The following CSMD2 variants were observed in gnomAD, a reference collection of about 807,000 sequenced individuals.
The protein encoded by CSMD2 is CUB and sushi domain-containing protein 2.
CSMD2 carries 130 observed loss-of-function variants against 398.5 expected under a neutral mutation model. That is an observed-to-expected ratio of 0.33 (90% confidence interval 0.28 to 0.38). The LOEUF (loss-of-function observed/expected upper bound fraction) is 0.38, where lower values mean the gene tolerates loss of function less well. Ranked by LOEUF, CSMD2 falls within the 10% of genes least tolerant of loss-of-function variation. The pLI, the probability that CSMD2 is intolerant of heterozygous loss-of-function variation, is 1.00. For synonymous variants in CSMD2, 1,828 were observed against 1,908.5 expected (o/e 0.96, Z 1.10); for missense variants, 3,829 against 4,764.9 (o/e 0.80, Z 5.78).
At chr1:33,884,130 T>G (rs1434774650) in intron 5 of CSMD2, among the ~76,000 whole-genome samples, 1 of 152,088 alleles carries the variant, frequency 6.6e-6, no homozygotes, top group African/African-American at 2.4e-5. Context: ...TGGATGAGTC[T>G]AGGCTCCCAG....
intron 22 of CSMD2, among the ~76,000 whole-genome samples, chr1:33,705,934 TAAA>T (rs113435498): frequency 6.9e-6 from 1 of 145,192 alleles, no homozygotes; most frequent in Admixed American, 6.9e-5. Flanking sequence ...CTTTATTATT[TAAA>T]AAAAAAAAAA....
At chr1:33,767,488 C>T (rs1484540157) in intron 13 of CSMD2, among the ~76,000 whole-genome samples, 1 of 152,136 alleles carries the variant, frequency 6.6e-6, no homozygotes, top group Non-Finnish European at 1.5e-5. Context: ...GGCATGACAC[C>T]ATGAGATTGT....
chr1:34,156,381 C>T (rs757653264), intron 1 of CSMD2, among the ~76,000 whole-genome samples: 6 of 152,192 alleles, frequency 3.9e-5, no homozygotes, highest in Non-Finnish European at 7.3e-5. Flanking sequence ...ACCACACTTG[C>T]TCATCTCAGA....
chr1:33,883,681 C>A (rs751327710), intron 5 of CSMD2, among the ~76,000 whole-genome samples: 2 of 152,188 alleles, frequency 1.3e-5, no homozygotes, highest in South Asian at 2.1e-4. Context: ...CATATGGGAA[C>A]TCTCCAAGCC....
Position 33,600,905 on chromosome 1 carries a change from A to C in CSMD2, c.6816T>G (p.Arg2272=). 1 of 1,614,114 alleles carries C rather than the reference A, an allele frequency of 6.2e-7. No homozygotes were observed. The highest frequency in any genetic ancestry group is 1.1e-5 in the South Asian group (1 of 91,064). ...SSNQVLLKFH[R]DAATGGIFAI... Reference sequence around the variant, plus strand: ...CGAAGATCCCCCCTGTGGCTGCATCACGGTGGAACTTGAGCAGGACCTGGT... The same window carrying C: ...CGAAGATCCCCCCTGTGGCTGCATCCCGGTGGAACTTGAGCAGGACCTGGT... Residue 2272 remains arginine (R), a synonymous_variant, in exon 44 of 71, where the codon CGT becomes CGG. Transcript: ENST00000373381.
chr1:34,014,586 C>A (rs2148081189), intron 3 of CSMD2, among the ~76,000 whole-genome samples: 1 of 152,326 alleles, frequency 6.6e-6, no homozygotes, highest in Admixed American at 6.5e-5. Flanking sequence ...TTTCCTGGAG[C>A]CTAGGCAAGC....
At position 33,811,581 on chromosome 1, in the gene CSMD2, G is replaced by C. The variant is rs147051875; in HGVS notation, c.1325-717C>G. Among the ~76,000 whole-genome samples the C allele has an allele frequency of 2.2e-4, 33 of 152,270 alleles. No homozygotes were observed. In the East Asian group the frequency reaches 6.4e-3, roughly 29 times the overall value. Reference sequence around the variant, plus strand: ...CAGCTTATCCCTGAAACTGGCTTTTGACTGGAAGCATAAAGATTCAAGGTG... The same window carrying C: ...CAGCTTATCCCTGAAACTGGCTTTTCACTGGAAGCATAAAGATTCAAGGTG... On this transcript the variant is annotated intron_variant, in intron 9 of 70. Coordinates refer to ENST00000373381, the MANE Select transcript of CSMD2 (RefSeq NM_001281956.2).
intron 1 of CSMD2, among the ~76,000 whole-genome samples, chr1:34,113,824 A>T (rs1008924935): frequency 6.6e-6 from 1 of 152,244 alleles, no homozygotes; most frequent in African/African-American, 2.4e-5. Context: ...AAATTGTTTC[A>T]TGTCAACCAT....
chr1:34,144,621 T>C (rs771145), intron 1 of CSMD2, among the ~76,000 whole-genome samples: 123,080 of 152,168 alleles, frequency 0.81, 50,524 homozygotes, highest in Admixed American at 0.87. Context: ...TCCAAAGCCA[T>C]GTCTTCCAAT....
chr1:33,630,316 G>T (rs1333870136), intron 32 of CSMD2, among the ~76,000 whole-genome samples: 1 of 152,222 alleles, frequency 6.6e-6, no homozygotes, highest in Non-Finnish European at 1.5e-5. Context: ...GTGTGTATGT[G>T]TGAGGTGGTG....
intron 25 of CSMD2, among the ~76,000 whole-genome samples, chr1:33,680,992 T>C (rs1644892972): frequency 1.4e-5 from 2 of 138,874 alleles, no homozygotes; most frequent in Admixed American, 1.6e-4. Context: ...TGGCATGATC[T>C]AAGCCCACTA....
intron 1 of CSMD2, among the ~76,000 whole-genome samples, chr1:34,098,243 T>G: frequency 7.9e-6 from 1 of 127,138 alleles, no homozygotes; most frequent in Non-Finnish European, 1.6e-5. Context: ...AAGGGGAACA[T>G]CACATTCTGG....
intron 5 of CSMD2, among the ~76,000 whole-genome samples, chr1:33,866,885 T>C (rs924325160): frequency 1.3e-5 from 2 of 152,270 alleles, no homozygotes; most frequent in African/African-American, 4.8e-5. Context: ...AATGCCTGCC[T>C]TACAGGTTGT....
chr1:33,956,739 C>T lies in CSMD2; in HGVS notation c.518-20785G>A, dbSNP rs780747720. On this transcript the variant is annotated intron_variant, in intron 3 of 70. Transcript: ENST00000373381. Reference sequence around the variant, plus strand: ...GGCCCAAGCCCCAGTCTCCTTCACCCGGTGTCTCCAAAGGTCTAACTGAGC... The same window carrying T: ...GGCCCAAGCCCCAGTCTCCTTCACCTGGTGTCTCCAAAGGTCTAACTGAGC... 2.2e-4 allele frequency among the ~76,000 whole-genome samples: 34 copies of T among 152,246 alleles called. 1 individual carries two copies. Among genetic ancestry groups the T allele is most frequent in the Middle Eastern group, 3.4e-3 (1 of 294 alleles).
At chr1:33,525,164 G>A (rs1654661307) in intron 65 of CSMD2, 121 bp from the exon 66 acceptor site, 1 of 1,034,456 alleles carries the variant, frequency 9.7e-7, no homozygotes, top group Non-Finnish European at 1.5e-6. Context: ...TGTCTACCAT[G>A]TGAGGAAGGT....
At chr1:33,890,388 G>A (rs1183128523) in intron 5 of CSMD2, among the ~76,000 whole-genome samples, 4 of 151,738 alleles carry the variant, frequency 2.6e-5, no homozygotes, top group African/African-American at 4.8e-5. Flanking sequence ...CTGCCACCAC[G>A]CCTGGCTAAT....
rs1333122214 is a variant in CSMD2, at chr1:34,164,897, G to A, written c.187+14C>T. The stretch of plus-strand genomic sequence containing the variant: ...GCGCGGCGGCCGCTGGCTCCTCGGC[G>A]CGGCTGGACTCACCCGCGGCGGCCG... On this transcript the variant is annotated intron_variant, in intron 1 of 70. Transcript: ENST00000373381. This position sits in a 1 kb window ranked among gnomAD's most constrained non-coding sequence, Gnocchi z 6.2. 1.1e-5 allele frequency: 13 copies of A among 1,218,916 alleles called. No individual in the cohort carries two copies. The highest frequency in any genetic ancestry group is 1.3e-5 in the Non-Finnish European group (13 of 979,764). 75.5% of individuals were successfully genotyped at this position (1,218,916 alleles called of 1,614,324 possible).
intron 9 of CSMD2, among the ~76,000 whole-genome samples, chr1:33,819,208 G>A (rs1657817550): frequency 6.6e-6 from 1 of 152,184 alleles, no homozygotes; most frequent in Non-Finnish European, 1.5e-5. Context: ...TGTGGTGGCA[G>A]GGCCCTGGGG....
intron 25 of CSMD2, among the ~76,000 whole-genome samples, chr1:33,676,655 A>G (rs1472145776): frequency 6.6e-6 from 1 of 152,230 alleles, no homozygotes; most frequent in Non-Finnish European, 1.5e-5. Context: ...TCACCAAGTC[A>G]ATCCTAAGCC....
Sources: allele counts gnomAD v4.1 joint callset (sites outside exome capture counted in the v4.1 genomes callset), GRCh38; gene constraint gnomAD v4.1.1; non-coding constraint Gnocchi (gnomAD v3.1); transcripts MANE v1.5; gene names NCBI Gene and HGNC (gene_info 2026-07-23, HGNC 2026-07-21).